The following SDCCAG8 variants were observed in gnomAD, a reference collection of about 807,000 sequenced individuals.
SDCCAG8 encodes serologically defined colon cancer antigen 8.
SDCCAG8 carries 74 observed loss-of-function variants against 101.8 expected under a neutral mutation model. That is an observed-to-expected ratio of 0.73 (90% CI 0.60 to 0.88). The LOEUF (loss-of-function observed/expected upper bound fraction) is 0.88. SDCCAG8 is among the 40% of genes least tolerant of loss of function. The pLI is 0.00. For synonymous variants in SDCCAG8, 281 were observed against 292.9 expected, an observed-to-expected ratio of 0.96 and a Z score of 0.41; for missense variants, 787 against 822.6, an observed-to-expected ratio of 0.96 and a Z score of 0.53.
intron 9 of SDCCAG8, chr1:243,318,178 A>T: frequency 2.4e-6 from 1 of 418,638 alleles, no homozygotes; most frequent in South Asian, 1.7e-5. Flanking sequence ...GCAGCCATAA[A>T]AAGAATGAGA....
At chr1:243,488,872 C>G (rs1049403228) in intron 16 of SDCCAG8, 142 bp from the exon 17 acceptor site, 6 of 1,136,668 alleles carry the variant, frequency 5.3e-6, no homozygotes, top group Non-Finnish European at 5.2e-6. Context: ...CTAGTGCCAG[C>G]CAGAGCCTGG....
intron 17 of SDCCAG8, among the ~76,000 whole-genome samples, chr1:243,494,633 C>T (rs73120374): frequency 2.9e-3 from 445 of 152,320 alleles, no homozygotes; most frequent in African/African-American, 0.01. Flanking sequence ...ACTTGCTCTT[C>T]CGTTAACAGT....
At chr1:243,391,881 G>A (rs2078723064) in intron 13 of SDCCAG8, among the ~76,000 whole-genome samples, 1 of 152,236 alleles carries the variant, frequency 6.6e-6, no homozygotes, top group South Asian at 2.1e-4. Flanking sequence ...GGTTTGGGCA[G>A]TGGTTTGGGC....
At chr1:243,282,789 T>C (rs2069176870) in intron 4 of SDCCAG8, among the ~76,000 whole-genome samples, 1 of 152,206 alleles carries the variant, frequency 6.6e-6, no homozygotes, top group South Asian at 2.1e-4. Context: ...GTAATTCTTA[T>C]CCTTGCTTCT....
chr1:243,329,989 G>A (rs1331565612), intron 9 of SDCCAG8, among the ~76,000 whole-genome samples: 1 of 152,134 alleles, frequency 6.6e-6, no homozygotes, highest in Non-Finnish European at 1.5e-5. Flanking sequence ...TCAGTTGTAT[G>A]TTTAAGGGGA....
chr1:243,428,007 CA>C (rs981247822), intron 16 of SDCCAG8, among the ~76,000 whole-genome samples: 2 of 152,154 alleles, frequency 1.3e-5, no homozygotes, highest in Non-Finnish European at 2.9e-5. Flanking sequence ...GCTAGAGGAC[CA>C]ACAAAATGAG....
chr1:243,321,307 G>A (rs1337080849), intron 9 of SDCCAG8, among the ~76,000 whole-genome samples: 1 of 152,056 alleles, frequency 6.6e-6, no homozygotes, highest in East Asian at 1.9e-4. Flanking sequence ...GGGTACATGT[G>A]TAGGATTGTT....
intron 13 of SDCCAG8, among the ~76,000 whole-genome samples, chr1:243,402,137 G>A (rs1387400798): frequency 6.6e-6 from 1 of 152,074 alleles, no homozygotes; most frequent in African/African-American, 2.4e-5. Flanking sequence ...ATTTTAAAAA[G>A]TAAAAGGAGG....
intron 13 of SDCCAG8, among the ~76,000 whole-genome samples, chr1:243,411,876 C>A (rs551622648): frequency 6.6e-6 from 1 of 152,160 alleles, no homozygotes; most frequent in Non-Finnish European, 1.5e-5. Flanking sequence ...GTGAATAAAT[C>A]TTTCAGCCCC....
At chr1:243,326,204 G>T (rs774941169) in intron 9 of SDCCAG8, among the ~76,000 whole-genome samples, 8 of 152,118 alleles carry the variant, frequency 5.3e-5, no homozygotes, top group Non-Finnish European at 8.8e-5. Context: ...ATCTTTGTGG[G>T]TAAGTGGTGT....
intron 5 of SDCCAG8, among the ~76,000 whole-genome samples, chr1:243,286,610 C>T (rs192491820): frequency 6.6e-6 from 1 of 152,322 alleles, no homozygotes; most frequent in African/African-American, 2.4e-5. Flanking sequence ...AGTTTCCTCT[C>T]TGAGCATACC....
intron 12 of SDCCAG8, among the ~76,000 whole-genome samples, chr1:243,363,317 G>C (rs1310175578): frequency 6.6e-6 from 1 of 152,224 alleles, no homozygotes; most frequent in Non-Finnish European, 1.5e-5. Context: ...TATGCCTACT[G>C]TGTGTAAGTA....
intron 17 of SDCCAG8, among the ~76,000 whole-genome samples, chr1:243,495,702 G>A (rs1667670917): frequency 6.6e-6 from 1 of 152,156 alleles, no homozygotes; most frequent in Non-Finnish European, 1.5e-5. Context: ...CTGACAGGTG[G>A]GCGGTCCTGC....
At chr1:243,310,577 T>G (rs1448492929) in intron 8 of SDCCAG8, among the ~76,000 whole-genome samples, 1 of 152,150 alleles carries the variant, frequency 6.6e-6, no homozygotes, top group Non-Finnish European at 1.5e-5. Context: ...ATCTTATAAT[T>G]GTGGGTTATA....
intron 5 of SDCCAG8, among the ~76,000 whole-genome samples, chr1:243,287,272 A>G (rs1194734446): frequency 6.6e-6 from 1 of 152,188 alleles, no homozygotes; most frequent in Non-Finnish European, 1.5e-5. Flanking sequence ...TCCATGTGGA[A>G]GTTTTCATAC....
At chr1:243,278,808 G>T (rs543099678) in intron 4 of SDCCAG8, among the ~76,000 whole-genome samples, 6 of 151,744 alleles carry the variant, frequency 4.0e-5, no homozygotes, top group Non-Finnish European at 8.8e-5. Flanking sequence ...CTTGAGGAAG[G>T]GTCTTGCTGG....
chr1:243,276,842 C>CT (rs1456661415), intron 4 of SDCCAG8, among the ~76,000 whole-genome samples: 3 of 152,058 alleles, frequency 2.0e-5, no homozygotes, highest in Non-Finnish European at 2.9e-5. Context: ...AACCATTGAT[C>CT]TTTTTACTCT....
chr1:243,335,183 T>C (rs988543875), intron 10 of SDCCAG8, among the ~76,000 whole-genome samples: 1 of 152,150 alleles, frequency 6.6e-6, no homozygotes, highest in African/African-American at 2.4e-5. Context: ...TCAGAACTGA[T>C]TGTCTGCAAG....
chr1:243,471,341 T>C lies in SDCCAG8; in HGVS notation c.1986-17673T>C, dbSNP rs185127871. ...GGCCCTCGGGCGGGTACTGCTTCCC[T>C]TTTTTCCCCCAGTATTATGTATTCT... On this transcript the variant is annotated intron_variant, in intron 16 of 17. Coordinates refer to ENST00000366541, the MANE Select transcript of SDCCAG8 (RefSeq NM_006642.5). Among the ~76,000 whole-genome samples the C allele has an allele frequency of 2.6e-5, 4 of 152,318 alleles. No homozygotes were observed. The East Asian group carries it at 5.8e-4, about 22-fold the overall frequency.
Sources: allele counts gnomAD v4.1 joint callset (sites outside exome capture counted in the v4.1 genomes callset), GRCh38; gene constraint gnomAD v4.1.1; transcripts MANE v1.5; gene names NCBI Gene and HGNC (gene_info 2026-07-23, HGNC 2026-07-21).